FHIT: variants seen among roughly 807,000 people sequenced by gnomAD.
FHIT encodes the protein bis(5'-adenosyl)-triphosphatase.
Under a neutral mutation model 17.9 loss-of-function variants are expected in FHIT, and 19 were observed. The ratio of observed to expected loss-of-function variants is 1.06; its 90% CI spans 0.74 to 1.56. The LOEUF (loss-of-function observed/expected upper bound fraction) is 1.56, where lower values mean the gene tolerates loss of function less well. Among genes scored for constraint, FHIT ranks in the 40% most tolerant of loss-of-function variants. The pLI, the probability that FHIT is intolerant of heterozygous loss-of-function variation, is 0.00. For synonymous variants in FHIT, 81 were observed against 69.7 expected, an observed-to-expected ratio of 1.16 and a Z score of -0.81; for missense variants, 248 against 189.2, an observed-to-expected ratio of 1.31 and a Z score of -1.82.
intron 3 of FHIT, among the ~76,000 whole-genome samples, chr3:60,913,236 G>C (rs1706834254): frequency 6.6e-6 from 1 of 152,206 alleles, no homozygotes; most frequent in African/African-American, 2.4e-5. Flanking sequence ...GTTGAGACTT[G>C]AGTATCTAAT....
At chr3:60,620,114 C>T (rs782451816) in intron 4 of FHIT, among the ~76,000 whole-genome samples, 7 of 152,192 alleles carry the variant, frequency 4.6e-5, no homozygotes, top group Non-Finnish European at 7.4e-5. Context: ...CACTATGTAC[C>T]TATTAGAATT....
intron 3 of FHIT, among the ~76,000 whole-genome samples, chr3:61,026,472 A>T (rs970284996): frequency 6.6e-6 from 1 of 152,198 alleles, no homozygotes; most frequent in Non-Finnish European, 1.5e-5. Context: ...GAGAATACCC[A>T]CCAACATTGC....
In FHIT at chr3:59,940,627, G is replaced by A. The variant is rs562302378; in HGVS notation, c.280-18213C>T. ...GTGATTAAGAGCATCGAGCTCTAAA[G>A]TCAGATGAGCTGGGATGAAATCCCC... On this transcript the variant is annotated intron_variant, in intron 7 of 9. Coordinates refer to ENST00000492590, the MANE Select transcript of FHIT (RefSeq NM_002012.4). 2.0e-5 allele frequency among the ~76,000 whole-genome samples: 3 copies of A among 152,304 alleles called. No homozygotes were observed. In the South Asian group the frequency reaches 6.2e-4, roughly 32 times the overall value.
At chr3:60,362,920 A>G (rs532472518) in intron 5 of FHIT, among the ~76,000 whole-genome samples, 1 of 152,356 alleles carries the variant, frequency 6.6e-6, no homozygotes, top group South Asian at 2.1e-4. Flanking sequence ...AACAATGACC[A>G]TAAGCAGCAG....
chr3:60,191,267 A>AG (rs1702391361), intron 5 of FHIT, among the ~76,000 whole-genome samples: 2 of 152,174 alleles, frequency 1.3e-5, no homozygotes, highest in African/African-American at 4.8e-5. Flanking sequence ...AATAATGCTT[A>AG]AACACATGTT....
chr3:60,076,813 C>G (rs1437467539), intron 5 of FHIT, among the ~76,000 whole-genome samples: 1 of 150,844 alleles, frequency 6.6e-6, no homozygotes, highest in Non-Finnish European at 1.5e-5. Flanking sequence ...AAAAAAAAAC[C>G]CAAACACTAT....
At chr3:59,887,051 G>A (rs746513368) in intron 8 of FHIT, among the ~76,000 whole-genome samples, 5 of 152,036 alleles carry the variant, frequency 3.3e-5, no homozygotes, top group African/African-American at 9.7e-5. Flanking sequence ...GGTTGGCTAA[G>A]TGTGTATGGA....
rs367961113 is a variant in FHIT at position 60,177,568 on chromosome 3, A to T, written c.104-163416T>A. On this transcript the variant is annotated intron_variant, in intron 5 of 9. Transcript: ENST00000492590. ...TGGGATGGGGAAACAGACAAATTCCATTTTGTAATACACCATGGAGAAAGG... is the reference window on the plus strand; with the variant it reads ...TGGGATGGGGAAACAGACAAATTCCTTTTTGTAATACACCATGGAGAAAGG... Among the ~76,000 whole-genome samples, 14 of 152,348 alleles carry T rather than the reference A, an allele frequency of 9.2e-5. No individual in the cohort carries two copies. The East Asian group carries it at 2.5e-3, about 27-fold the overall frequency.
chr3:60,270,767 C>G (rs192336401), intron 5 of FHIT, among the ~76,000 whole-genome samples: 2 of 152,062 alleles, frequency 1.3e-5, no homozygotes, highest in Non-Finnish European at 2.9e-5. Flanking sequence ...AGGGATGGGG[C>G]GAAGAAGGTA....
At chr3:60,722,422 ACTC>A (rs1281472734) in intron 4 of FHIT, among the ~76,000 whole-genome samples, 1 of 152,086 alleles carries the variant, frequency 6.6e-6, no homozygotes, top group Non-Finnish European at 1.5e-5. Flanking sequence ...TATTTGTCTC[ACTC>A]CTCCTTGAAG....
chr3:60,736,142 T>C (rs7627621), intron 4 of FHIT, among the ~76,000 whole-genome samples: 20,130 of 152,208 alleles, frequency 0.13, 2,060 homozygotes, highest in African/African-American at 0.28. Context: ...AGATAGACAA[T>C]AACAAGTGTT....
chr3:59,950,157 C>G (rs949936681), intron 7 of FHIT, among the ~76,000 whole-genome samples: 70 of 152,200 alleles, frequency 4.6e-4, no homozygotes, highest in African/African-American at 1.6e-3. Flanking sequence ...TATGCATGTT[C>G]TAAAGATCAC....
intron 5 of FHIT, among the ~76,000 whole-genome samples, chr3:60,258,974 G>C (rs1019347478): frequency 6.6e-6 from 1 of 151,464 alleles, no homozygotes; most frequent in African/African-American, 2.4e-5. Flanking sequence ...GAAGGTAAAA[G>C]AGATCTTCCT....
At chr3:60,871,009 T>A (rs1704393247) in intron 3 of FHIT, among the ~76,000 whole-genome samples, 1 of 152,094 alleles carries the variant, frequency 6.6e-6, no homozygotes, top group South Asian at 2.1e-4. Context: ...TTAATTAAAT[T>A]TTCTAAAAAG....
chr3:60,788,611 G>A lies in FHIT; in HGVS notation c.-18+33308C>T, dbSNP rs573379756. Among the ~76,000 whole-genome samples, 4 of 152,288 alleles carry A rather than the reference G, an allele frequency of 2.6e-5. No homozygotes were observed. In the South Asian group the frequency reaches 8.3e-4, roughly 32 times the overall value. On this transcript the variant is annotated intron_variant, in intron 4 of 9. Coordinates refer to ENST00000492590, the MANE Select transcript of FHIT (RefSeq NM_002012.4). ...TGAGGGTTGCCACAAAGGGAGGTAT[G>A]TACATATATACAGCCCTGTGCTATG...
chr3:61,220,012 C>G (rs1317652720), intron 1 of FHIT, among the ~76,000 whole-genome samples: 1 of 151,986 alleles, frequency 6.6e-6, no homozygotes, highest in African/African-American at 2.4e-5. Flanking sequence ...CATTCTGCAG[C>G]CCTCACCTGA....
At chr3:60,996,030 T>C (rs2030649762) in intron 3 of FHIT, among the ~76,000 whole-genome samples, 1 of 152,078 alleles carries the variant, frequency 6.6e-6, no homozygotes, top group Non-Finnish European at 1.5e-5. Flanking sequence ...TTTGTGTAGA[T>C]TCTTTTGGTT....
Position 59,974,915 on chromosome 3 carries a change from G to A in FHIT, c.279+36456C>T, listed in dbSNP as rs574059950. On this transcript the variant is annotated intron_variant, in intron 7 of 9. Transcript: ENST00000492590. Reference sequence around the variant, plus strand: ...CAAAAGCAGGTTGCATTCTACCACGGCTATTCATTACAAATAATTTTACTT... The same window carrying A: ...CAAAAGCAGGTTGCATTCTACCACGACTATTCATTACAAATAATTTTACTT... Among the ~76,000 whole-genome samples, 4 of 152,208 alleles carry A rather than the reference G, an allele frequency of 2.6e-5. No homozygotes were observed. The East Asian group carries it at 7.7e-4, about 29-fold the overall frequency.
intron 4 of FHIT, among the ~76,000 whole-genome samples, chr3:60,611,181 C>G (rs2038774235): frequency 6.6e-6 from 1 of 152,224 alleles, no homozygotes; most frequent in African/African-American, 2.4e-5. Context: ...TTATTGGGTA[C>G]TGATGGGGGT....
Sources: allele counts gnomAD v4.1 joint callset (sites outside exome capture counted in the v4.1 genomes callset), GRCh38; gene constraint gnomAD v4.1.1; transcripts MANE v1.5; gene names NCBI Gene and HGNC (gene_info 2026-07-23, HGNC 2026-07-21).